Variants in NOL11 observed in about 807,000 individuals in gnomAD.
NOL11 encodes nucleolar protein 11.
A neutral mutation model predicts 93.0 loss-of-function variants in NOL11; 42 were observed. The observed-to-expected ratio is 0.45, with a 90% CI of 0.35 to 0.58. The LOEUF (loss-of-function observed/expected upper bound fraction) is 0.58, where lower values mean the gene tolerates loss of function less well. NOL11 is among the 20% of genes least tolerant of loss of function. The pLI is 0.00. For missense variants in NOL11, 775 were observed against 841.8 expected (o/e 0.92, Z 0.98); for synonymous variants, 296 against 293.7 (o/e 1.01, Z -0.08).
chr17:67,738,406 A>G, intron 14 of NOL11, 51 bp downstream of exon 14: 1 of 1,170,498 alleles, frequency 8.5e-7, no homozygotes, highest in Non-Finnish European at 1.2e-6. Context: ...GGATATAGTT[A>G]TATGCCAAGC....
chr17:67,739,377 T>C (rs1307430395), intron 15 of NOL11, 139 bp from the exon 16 acceptor site: 1 of 578,924 alleles, frequency 1.7e-6, no homozygotes, highest in Non-Finnish European at 3.0e-6. Flanking sequence ...CTGCATTTTA[T>C]TCATTTTTAT....
chr17:67,726,968 T>G (rs981637225), intron 7 of NOL11: 2 of 175,422 alleles, frequency 1.1e-5, no homozygotes, highest in African/African-American at 4.7e-5. Context: ...CATTTGAGGA[T>G]TGGATTCTTG....
rs572969878 is a variant in NOL11, at chr17:67,741,104, C to G, written c.1935+1496C>G. 2.0e-5 allele frequency among the ~76,000 whole-genome samples: 3 copies of G among 152,288 alleles called. No individual in the cohort carries two copies. In the South Asian group the frequency reaches 6.2e-4, roughly 32 times the overall value. The stretch of plus-strand genomic sequence containing the variant: ...TCCTTTTTTGAGACGGAGTCTCGCT[C>G]TGTCTCCCAGGCTAGAATGCAGTGG... On this transcript the variant is annotated intron_variant, in intron 16 of 17. Transcript: ENST00000253247.
At chr17:67,727,962 T>C (rs2055113983) in intron 7 of NOL11, among the ~76,000 whole-genome samples, 1 of 142,810 alleles carries the variant, frequency 7.0e-6, no homozygotes, top group Non-Finnish European at 1.5e-5. Context: ...GGTTATAGTA[T>C]AACTATACCA....
intron 7 of NOL11, among the ~76,000 whole-genome samples, chr17:67,731,976 T>C (rs1021081342): frequency 6.6e-6 from 1 of 152,236 alleles, no homozygotes; most frequent in Non-Finnish European, 1.5e-5. Context: ...CCATGTGATT[T>C]TGAAGACTGG....
In NOL11 at chr17:67,735,812, C is replaced by G. The variant is rs888092810; in HGVS notation, c.931-88C>G. 2.1e-5 allele frequency: 19 copies of G among 920,842 alleles called. No individual in the cohort carries two copies. The African/African-American group carries it at 2.9e-4, about 14-fold the overall frequency. The allele number at this position is 920,842 out of a possible 1,614,324, so 57.0% of individuals were successfully genotyped here. A position where few individuals can be genotyped will look rare whatever the true frequency, so the allele number is the denominator to read the frequency against. ...ACTTTGCCTCGTTTTTAATACTGAG[C>G]ACTTATACAGTGAGTGATAAGGCTT... On this transcript the variant is annotated intron_variant, in intron 8 of 17. Coordinates refer to ENST00000253247, the MANE Select transcript of NOL11 (RefSeq NM_015462.5).
At chr17:67,725,884 A>G (rs922359750) in intron 6 of NOL11, among the ~76,000 whole-genome samples, 1 of 152,210 alleles carries the variant, frequency 6.6e-6, no homozygotes, top group East Asian at 1.9e-4. Flanking sequence ...GTTGGAGACC[A>G]GCCTGGGCAA....
intron 3 of NOL11, 127 bp downstream of exon 3, chr17:67,720,089 C>CT: frequency 1.3e-6 from 1 of 796,958 alleles, no homozygotes; most frequent in African/African-American, 1.8e-5. Flanking sequence ...ATCAGGTTTT[C>CT]ATTCTAATTA....
chr17:67,719,461 A>C, intron 1 of NOL11: 1 of 339,886 alleles, frequency 2.9e-6, no homozygotes, highest in Non-Finnish European at 5.4e-6. Context: ...GGGTTTCACC[A>C]TGTTGGTCAA....
rs1324684868 is a variant in NOL11, at chr17:67,731,325, G to A, written c.854-3038G>A. 3.1e-3 allele frequency among the ~76,000 whole-genome samples: 10 copies of A among 3,228 alleles called. 5 individuals carry two copies. Among genetic ancestry groups the A allele is most frequent in the Admixed American group, 0.031 (6 of 196 alleles). The allele number at this position is 3,228 out of a possible 152,430, so 2.1% of individuals were successfully genotyped here. ...GTCGCCCAGGCGGGACTGCTGTGGC[G>A]CGATCTCCGCTCACTGCAAGCTCCG... On this transcript the variant is annotated intron_variant, in intron 7 of 17. Transcript: ENST00000253247.
chr17:67,738,012 T>G (rs778270794), intron 13 of NOL11, 40 bp downstream of exon 13: 1 of 1,571,708 alleles, frequency 6.4e-7, no homozygotes, highest in Middle Eastern at 1.7e-4. Context: ...TCACTACATT[T>G]ATAATCTGTT....
chr17:67,718,887 A>C (rs2043195904), intron 1 of NOL11, among the ~76,000 whole-genome samples: 1 of 152,188 alleles, frequency 6.6e-6, no homozygotes. Context: ...GTAGATTTGC[A>C]GTTTTGCAGC....
At chr17:67,722,503 A>G in intron 4 of NOL11, 77 bp from the exon 5 acceptor site, 1 of 1,499,324 alleles carries the variant, frequency 6.7e-7, no homozygotes, top group Non-Finnish European at 8.8e-7. Flanking sequence ...GAAAACTTTG[A>G]TTAAATTTTG....
chr17:67,728,861 A>G (rs2055124190), intron 7 of NOL11, among the ~76,000 whole-genome samples: 1 of 152,166 alleles, frequency 6.6e-6, no homozygotes, highest in African/African-American at 2.4e-5. Context: ...TCATTCTCCC[A>G]TTGCCAGACA....
chr17:67,724,873 A>G (rs12939725), intron 6 of NOL11, among the ~76,000 whole-genome samples: 123,094 of 151,796 alleles, frequency 0.81, 50,356 homozygotes, highest in Middle Eastern at 0.87. Context: ...CCTGGCTAAC[A>G]TGGTGAAACC....
At chr17:67,741,993 T>C (rs939895815) in intron 16 of NOL11, among the ~76,000 whole-genome samples, 1 of 152,254 alleles carries the variant, frequency 6.6e-6, no homozygotes, top group Non-Finnish European at 1.5e-5. Context: ...TTGATGGTCA[T>C]TTGTTTACCA....
At chr17:67,721,982 A>G (rs2043220528) in intron 4 of NOL11, among the ~76,000 whole-genome samples, 1 of 151,928 alleles carries the variant, frequency 6.6e-6, no homozygotes, top group Admixed American at 6.5e-5. Context: ...TCTTTATTTC[A>G]TCACATTTCC....
At chr17:67,735,865 A>C (rs2055196608) in intron 8 of NOL11, 35 bp from the exon 9 acceptor site, 1 of 1,584,774 alleles carries the variant, frequency 6.3e-7, no homozygotes, top group Non-Finnish European at 8.6e-7. Context: ...GAAGAGAAAA[A>C]AATTTGCTTA....
intron 9 of NOL11, among the ~76,000 whole-genome samples, 182 bp downstream of exon 9, chr17:67,736,205 G>A (rs183016018): frequency 6.6e-6 from 1 of 152,038 alleles, no homozygotes; most frequent in East Asian, 1.9e-4. Flanking sequence ...CAGCACTTAA[G>A]GAGGCAGAGG....
Sources: allele counts gnomAD v4.1 joint callset (sites outside exome capture counted in the v4.1 genomes callset), GRCh38; gene constraint gnomAD v4.1.1; transcripts MANE v1.5; gene names NCBI Gene and HGNC (gene_info 2026-07-23, HGNC 2026-07-21).